BIRC2: variants seen among roughly 807,000 people sequenced by gnomAD.
The protein encoded by BIRC2 is baculoviral IAP repeat containing 2, also known as baculoviral IAP repeat-containing protein 2.
A neutral mutation model predicts 60.9 loss-of-function variants in BIRC2; 18 were observed. That is an observed-to-expected ratio of 0.30 (90% confidence interval 0.20 to 0.44). The LOEUF (loss-of-function observed/expected upper bound fraction) is 0.44, where lower values mean the gene tolerates loss of function less well. Ranked by LOEUF, BIRC2 falls within the 20% of genes least tolerant of loss-of-function variation. BIRC2 has a pLI of 1.00. For missense variants in BIRC2, 701 were observed against 728.5 expected, an observed-to-expected ratio of 0.96 and a Z score of 0.43; for synonymous variants, 282 against 247.7, an observed-to-expected ratio of 1.14 and a Z score of -1.30.
intron 6 of BIRC2, among the ~76,000 whole-genome samples, chr11:102,373,396 G>A (rs1402074070): frequency 6.6e-6 from 1 of 152,104 alleles, no homozygotes; most frequent in Non-Finnish European, 1.5e-5. Flanking sequence ...TTGCTTGTCT[G>A]TGAAGTATTT....
chr11:102,365,585 C>A (rs557523485), intron 5 of BIRC2, among the ~76,000 whole-genome samples: 12 of 151,954 alleles, frequency 7.9e-5, no homozygotes, highest in Non-Finnish European at 2.9e-5. Flanking sequence ...GTTGTTTTTT[C>A]TTTTTGTGAA....
chr11:102,348,629 ATT>A lies in BIRC2; in HGVS notation c.-1223_-1222del. The A allele has an allele frequency of 3.6e-6, 1 of 279,988 alleles. No individual in the cohort carries two copies. The highest frequency in any genetic ancestry group is 7.0e-6 in the Non-Finnish European group (1 of 141,858). The allele number at this position is 279,988 out of a possible 1,614,324, so 17.3% of individuals were successfully genotyped here. ...AACCCTGAAGAATCTCCCTATCCCT[ATT>A]TTGTCCCCCTGCAGTAATAAATCCC... On this transcript the variant is annotated 5_prime_UTR_variant, in exon 2 of 9. Transcript: ENST00000227758.
rs1951513418 is a variant in BIRC2, at chr11:102,363,833, G to T, written c.1123+117G>T. The T allele has an allele frequency of 5.8e-6, 4 of 688,140 alleles. No individual in the cohort carries two copies. The South Asian group carries it at 5.8e-5, about 10-fold the overall frequency. 42.6% of individuals were successfully genotyped at this position (688,140 alleles called of 1,614,324 possible). ...ACACTTTGAGAGGCCGAGGTTGACA[G>T]ATCACCTGAGGTCAGGAGTTCGAGA... On this transcript the variant is annotated intron_variant, in intron 5 of 8. Coordinates refer to ENST00000227758, the MANE Select transcript of BIRC2 (RefSeq NM_001166.5).
chr11:102,377,429 G>A (rs1372093872), intron 6 of BIRC2, 67 bp from the exon 7 acceptor site: 1 of 1,351,318 alleles, frequency 7.4e-7, no homozygotes, highest in Admixed American at 2.5e-5. Flanking sequence ...TTGGTTATTA[G>A]TGACTATATG....
intron 6 of BIRC2, 41 bp downstream of exon 6, chr11:102,368,589 A>G: frequency 6.3e-7 from 1 of 1,599,900 alleles, no homozygotes; most frequent in East Asian, 2.2e-5. Flanking sequence ...TTCTCAGTGG[A>G]GCTCTTAGGA....
At chr11:102,356,963 C>G (rs1792434494) in intron 3 of BIRC2, among the ~76,000 whole-genome samples, 2 of 152,150 alleles carry the variant, frequency 1.3e-5, no homozygotes, top group Non-Finnish European at 1.5e-5. Flanking sequence ...AGCCACTGCA[C>G]CTGGCTGGTT....
intron 5 of BIRC2, among the ~76,000 whole-genome samples, chr11:102,367,987 T>C (rs560090294): frequency 2.0e-5 from 3 of 152,326 alleles, no homozygotes; most frequent in African/African-American, 7.2e-5. Context: ...TTTCCAGAAA[T>C]GACTATACAT....
rs1367910310 is a variant in BIRC2 at position 102,371,727 on chromosome 11, G to T, written c.1366+3179G>T. ...CCCTCTTTTTCTATTGATTGGAATA[G>T]TTTCAGAAGGAATGGTACCAGTTCC... On this transcript the variant is annotated intron_variant, in intron 6 of 8. Coordinates refer to ENST00000227758, the MANE Select transcript of BIRC2 (RefSeq NM_001166.5). Among the ~76,000 whole-genome samples the T allele has an allele frequency of 2.0e-5, 3 of 147,680 alleles. 1 individual carries two copies. Among genetic ancestry groups the T allele is most frequent in the Non-Finnish European group, 4.5e-5 (3 of 66,882 alleles).
At chr11:102,360,093 C>T (rs1030892612) in intron 3 of BIRC2, among the ~76,000 whole-genome samples, 2 of 150,950 alleles carry the variant, frequency 1.3e-5, no homozygotes, top group Non-Finnish European at 1.5e-5. Flanking sequence ...CAGCCTCCCA[C>T]GTAGCTGGGA....
Position 102,350,479 on chromosome 11 carries a change from T to G in BIRC2, c.625T>G (p.Phe209Val). The G allele has an allele frequency of 6.2e-7, 1 of 1,614,200 alleles. No homozygotes were observed. The highest frequency in any genetic ancestry group is 8.5e-7 in the Non-Finnish European group (1 of 1,180,040). ...LSPSELARAG[F>V]YYIGPGDRVA... ...ACCATCAGAATTGGCAAGAGCTGGT[T>G]TTTATTATATAGGACCTGGAGATAG... Residue 209 changes from phenylalanine (F) to valine (V), a missense_variant, in exon 2 of 9, where the codon TTT becomes GTT. Around this residue, in one of 4 missense-constraint regions of BIRC2, gnomAD observed 375 missense variants for 365.9 expected, o/e 1.02. Coordinates refer to ENST00000227758, the MANE Select transcript of BIRC2 (RefSeq NM_001166.5).
At chr11:102,362,804 C>T in intron 3 of BIRC2, 92 bp from the exon 4 acceptor site, 1 of 938,968 alleles carries the variant, frequency 1.1e-6, no homozygotes, top group Non-Finnish European at 1.7e-6. Context: ...CTATGGAGTA[C>T]AATGAAAGAT....
chr11:102,356,517 G>C (rs969060704), intron 3 of BIRC2, among the ~76,000 whole-genome samples: 13 of 151,394 alleles, frequency 8.6e-5, no homozygotes, highest in Non-Finnish European at 1.6e-4. Context: ...TTTCATTATC[G>C]AGTATGATGT....
intron 5 of BIRC2, 89 bp downstream of exon 5, chr11:102,363,805 C>A: frequency 9.6e-7 from 1 of 1,044,558 alleles, no homozygotes; most frequent in Non-Finnish European, 1.4e-6. Flanking sequence ...GCCTGTAATC[C>A]CAACACTTTG....
intron 3 of BIRC2, among the ~76,000 whole-genome samples, chr11:102,357,361 C>T (rs1028521829): frequency 5.3e-5 from 8 of 150,978 alleles, no homozygotes; most frequent in Admixed American, 4.0e-4. Flanking sequence ...TCTTCTCCTC[C>T]TCTTCCTTTC....
At chr11:102,356,645 C>T (rs1048348714) in intron 3 of BIRC2, among the ~76,000 whole-genome samples, 1 of 149,672 alleles carries the variant, frequency 6.7e-6, no homozygotes, top group Non-Finnish European at 1.5e-5. Flanking sequence ...TTTTCTGTGT[C>T]TGTTGAGATG....
intron 4 of BIRC2, 59 bp downstream of exon 4, chr11:102,363,033 A>G (rs545582046): frequency 7.8e-7 from 1 of 1,286,288 alleles, no homozygotes; most frequent in Admixed American, 2.0e-5. Context: ...CAAAAATATT[A>G]TTAGGTTGGT....
At chr11:102,347,663 G>C (rs1437976790) in intron 1 of BIRC2, 4 of 152,270 alleles carry the variant, frequency 2.6e-5, no homozygotes, top group Non-Finnish European at 4.4e-5. Context: ...CTTTGACCAA[G>C]ATGTTTTCTC....
intron 6 of BIRC2, among the ~76,000 whole-genome samples, chr11:102,369,359 C>T (rs1450049329): frequency 7.0e-6 from 1 of 143,234 alleles, no homozygotes; most frequent in Non-Finnish European, 1.5e-5. Context: ...ATTCCCCTTC[C>T]TGTGTCCATG....
intron 3 of BIRC2, among the ~76,000 whole-genome samples, chr11:102,352,784 A>T (rs1449438492): frequency 6.6e-6 from 1 of 152,174 alleles, no homozygotes; most frequent in Non-Finnish European, 1.5e-5. Flanking sequence ...ATCATATATA[A>T]GTGGAATCAT....
Sources: gnomAD v4.1 joint callset for allele counts (sites outside exome capture counted in the v4.1 genomes callset) on GRCh38, gnomAD v4.1.1 for gene constraint, gnomAD v4.1.1 regional missense constraint, MANE v1.5 for transcripts, NCBI Gene and HGNC (gene_info 2026-07-23, HGNC 2026-07-21) for gene names.